The following MYLIP variants were observed in gnomAD, a reference collection of about 807,000 sequenced individuals.
MYLIP encodes E3 ubiquitin-protein ligase MYLIP.
In MYLIP, 26 loss-of-function variants were observed where a neutral mutation model predicts 45.8. That is an observed-to-expected ratio of 0.57 (90% CI 0.42 to 0.79). The LOEUF is 0.79. Ranked by LOEUF, MYLIP falls within the 30% of genes least tolerant of loss-of-function variation. MYLIP has a pLI of 0.00. For missense variants in MYLIP, 494 were observed against 555.6 expected, an observed-to-expected ratio of 0.89 and a Z score of 1.11; for synonymous variants, 213 against 218.1, an observed-to-expected ratio of 0.98 and a Z score of 0.21.
downstream of MYLIP, among the ~76,000 whole-genome samples, chr6:16,148,918 G>C (rs1180005435): frequency 6.6e-6 from 1 of 152,170 alleles, no homozygotes; most frequent in African/African-American, 2.4e-5. Context: ...ATTGGAAGAA[G>C]TAAATTTATT....
the MYLIP span, among the ~76,000 whole-genome samples, chr6:16,157,941 A>G: frequency 6.6e-6 from 1 of 152,270 alleles, no homozygotes; most frequent in Non-Finnish European, 1.5e-5. Flanking sequence ...TCCTTGAAGA[A>G]GAAGGCAAGA....
chr6:16,158,864 C>G, the MYLIP span, among the ~76,000 whole-genome samples: 3 of 152,192 alleles, frequency 2.0e-5, no homozygotes, highest in East Asian at 1.9e-4. Context: ...AGCAAGACTC[C>G]GTCTCAAAAC....
chr6:16,153,588 T>G, the MYLIP span, among the ~76,000 whole-genome samples: 1 of 152,246 alleles, frequency 6.6e-6, no homozygotes, highest in East Asian at 1.9e-4. Flanking sequence ...CTATCATGAT[T>G]ATTCATAATA....
chr6:16,137,417 G>T (rs898946192), intron 2 of MYLIP, among the ~76,000 whole-genome samples: 1 of 152,154 alleles, frequency 6.6e-6, no homozygotes, highest in Admixed American at 6.5e-5. Flanking sequence ...CTCTCCAGGA[G>T]AAATACAATT....
At chr6:16,162,802 AAAAG>A in the MYLIP span, among the ~76,000 whole-genome samples, 3 of 151,070 alleles carry the variant, frequency 2.0e-5, no homozygotes, top group Admixed American at 2.0e-4. Context: ...AAAAAAAAAA[AAAAG>A]AAATTCATTT....
rs545255115 is a variant in MYLIP, at chr6:16,145,468, C to T, written c.1248+151C>T. Reference sequence around the variant, plus strand: ...TCTTTGTATTTGGTGACCTAAAAGGCATTGCCCTTTAGAAACATTTTAGAT... The same window carrying T: ...TCTTTGTATTTGGTGACCTAAAAGGTATTGCCCTTTAGAAACATTTTAGAT... On this transcript the variant is annotated intron_variant, in intron 6 of 6. Coordinates refer to ENST00000356840, the MANE Select transcript of MYLIP (RefSeq NM_013262.4). 2.3e-4 allele frequency: 185 copies of T among 794,190 alleles called. 3 individuals are homozygous for T. In the African/African-American group the frequency reaches 2.6e-3, roughly 11 times the overall value. The allele number at this position is 794,190 out of a possible 1,614,324, so 49.2% of individuals were successfully genotyped here.
At chr6:16,144,548 G>A (rs1759743787) in intron 5 of MYLIP, among the ~76,000 whole-genome samples, 2 of 152,114 alleles carry the variant, frequency 1.3e-5, no homozygotes, top group South Asian at 4.1e-4. Context: ...TGTGAAACAG[G>A]ATGGGAAATT....
the MYLIP span, among the ~76,000 whole-genome samples, chr6:16,153,424 T>A: frequency 7.9e-5 from 12 of 152,196 alleles, no homozygotes; most frequent in Non-Finnish European, 1.5e-4. Flanking sequence ...CTAGGAGGAT[T>A]TTCCCCATGA....
intron 2 of MYLIP, among the ~76,000 whole-genome samples, chr6:16,136,613 T>C (rs1011480457): frequency 6.6e-6 from 1 of 152,216 alleles, no homozygotes; most frequent in East Asian, 1.9e-4. Flanking sequence ...AATAGCTGGG[T>C]CATGGAGTAA....
Position 16,129,481 on chromosome 6 carries a change from A to C in MYLIP, c.87+72A>C. ...GAGGGGCCTCGCAGCGACGCCTGGC[A>C]CTCTGGCGCGCCCCCTACTAGGGGC... On this transcript the variant is annotated intron_variant, in intron 1 of 6. Transcript: ENST00000356840. This position sits in a 1 kb window ranked among gnomAD's most constrained non-coding sequence, Gnocchi z 5.1. 1 of 1,428,430 alleles carries C rather than the reference A, an allele frequency of 7.0e-7. No individual in the cohort carries two copies. The highest frequency in any genetic ancestry group is 9.5e-7 in the Non-Finnish European group (1 of 1,050,830). The allele number at this position is 1,428,430 out of a possible 1,614,324, so 88.5% of individuals were successfully genotyped here. A position where few individuals can be genotyped will look rare whatever the true frequency, so the allele number is the denominator to read the frequency against.
chr6:16,143,039 G>A lies in MYLIP; in HGVS notation c.484G>A (p.Glu162Lys). Residue 162 changes from glutamate to lysine, a missense_variant, in exon 4 of 7, where the codon GAG (glutamate) becomes AAG (lysine). Physicochemically the swap from Glu to Lys is moderately conservative, Grantham distance 56. Coordinates refer to ENST00000356840, the MANE Select transcript of MYLIP (RefSeq NM_013262.4). ...CTCCAGCATTGTTGCAAAACATAAG[G>A]AGTTGGAGGGGACCAGCCAGGCTTC... ...TLNSIVAKHK[E>K]LEGTSQASAE... The A allele has an allele frequency of 3.1e-6, 5 of 1,614,062 alleles. No homozygotes were observed. In the South Asian group the frequency reaches 5.5e-5, roughly 18 times the overall value.
chr6:16,141,862 A>G, intron 3 of MYLIP, 52 bp downstream of exon 3: 1 of 1,477,152 alleles, frequency 6.8e-7, no homozygotes, highest in Admixed American at 2.0e-5. Context: ...CTTAAACAGG[A>G]TGAAACTAAG....
At position 16,147,751 on chromosome 6, in the gene MYLIP, G is replaced by A; in HGVS notation, c.*1000G>A. The A allele has an allele frequency of 6.6e-6, 1 of 152,540 alleles. No homozygotes were observed. Among genetic ancestry groups the A allele is most frequent in the East Asian group, 1.9e-4 (1 of 5,196 alleles). The allele number at this position is 152,540 out of a possible 1,614,324, so 9.4% of individuals were successfully genotyped here. A position where few individuals can be genotyped will look rare whatever the true frequency, so the allele number is the denominator to read the frequency against. On this transcript the variant is annotated 3_prime_UTR_variant, in exon 7 of 7. Coordinates refer to ENST00000356840, the MANE Select transcript of MYLIP (RefSeq NM_013262.4). Reference sequence around the variant, plus strand: ...GGTGTCCTTTTCTGTTTTTGGGGGGGGAGTTTTGTTGTGTTTTTTTAAAGT... The same window carrying A: ...GGTGTCCTTTTCTGTTTTTGGGGGGAGAGTTTTGTTGTGTTTTTTTAAAGT...
Position 16,143,653 on chromosome 6 carries a change from A to T in MYLIP, c.663-46A>T, listed in dbSNP as rs770710256. 7 of 1,597,872 alleles carry T rather than the reference A, an allele frequency of 4.4e-6. No homozygotes were observed. The South Asian group carries it at 6.7e-5, about 15-fold the overall frequency. On this transcript the variant is annotated intron_variant, in intron 4 of 6. Coordinates refer to ENST00000356840, the MANE Select transcript of MYLIP (RefSeq NM_013262.4). ...CCACAAAGGCACACACATGGTGAAG[A>T]ATCACTCCTTCTAGATCTGCTTTCT...
chr6:16,159,348 G>A, the MYLIP span, among the ~76,000 whole-genome samples: 31 of 152,276 alleles, frequency 2.0e-4, no homozygotes, highest in South Asian at 4.1e-4. Context: ...CCAGCTCCCT[G>A]GAAGAAAGCA....
At chr6:16,132,228 A>G (rs1759472511) in intron 2 of MYLIP, among the ~76,000 whole-genome samples, 1 of 152,232 alleles carries the variant, frequency 6.6e-6, no homozygotes, top group African/African-American at 2.4e-5. Flanking sequence ...TGATAATAGC[A>G]TAATACATTT....
chr6:16,130,750 A>G lies in MYLIP; in HGVS notation c.278+3A>G. ...CTCATCTTACAGGAGCAGACTAGGT[A>G]AAGTGAGCTAAAATAAACCAATGTC... On this transcript the variant is annotated splice_donor_region_variant and intron_variant, in intron 2 of 6. Coordinates refer to ENST00000356840, the MANE Select transcript of MYLIP (RefSeq NM_013262.4). The G allele has an allele frequency of 6.2e-7, 1 of 1,611,882 alleles. No individual in the cohort carries two copies. Among genetic ancestry groups the G allele is most frequent in the East Asian group, 2.2e-5 (1 of 44,828 alleles).
At chr6:16,140,992 T>A (rs574559566) in intron 2 of MYLIP, among the ~76,000 whole-genome samples, 7 of 152,222 alleles carry the variant, frequency 4.6e-5, no homozygotes, top group Non-Finnish European at 7.4e-5. Context: ...ATTTAAATAG[T>A]TTTCAGAGAG....
intron 2 of MYLIP, among the ~76,000 whole-genome samples, chr6:16,131,481 C>G (rs1759459372): frequency 6.6e-6 from 1 of 152,178 alleles, no homozygotes; most frequent in Non-Finnish European, 1.5e-5. Flanking sequence ...GACTCTAATA[C>G]TTGATTCTCA....
Sources: allele counts gnomAD v4.1 joint callset (sites outside exome capture counted in the v4.1 genomes callset), GRCh38; gene constraint gnomAD v4.1.1; non-coding constraint Gnocchi (gnomAD v3.1); transcripts MANE v1.5; gene names NCBI Gene and HGNC (gene_info 2026-07-23, HGNC 2026-07-21).